SPON2: variants seen among roughly 807,000 people sequenced by gnomAD.
The protein encoded by SPON2 is spondin-2.
A neutral mutation model predicts 29.9 loss-of-function variants in SPON2; 32 were observed. The ratio of observed to expected loss-of-function variants is 1.07; its 90% CI spans 0.81 to 1.44. The LOEUF is 1.44. Among genes scored for constraint, SPON2 ranks in the 40% most tolerant of loss-of-function variants. The pLI is 0.00. For missense variants in SPON2, 541 were observed against 455.5 expected, an observed-to-expected ratio of 1.19 and a Z score of -1.71; for synonymous variants, 248 against 209.1, an observed-to-expected ratio of 1.19 and a Z score of -1.61.
In SPON2 at chr4:1,167,625, G is replaced by A. The variant is rs535829815; in HGVS notation, c.843C>T (p.Ser281=). ...CGCACAGTCCCCAGGACGACCACAG[G>A]GAGACCTCGCAGTCCAGCGGCGTTT... ...VPETPLDCEV[S]LWSSWGLCGG... Residue 281 remains serine (S), a synonymous_variant, in exon 6 of 6, where the codon TCC becomes TCT. Coordinates refer to ENST00000290902, the MANE Select transcript of SPON2 (RefSeq NM_012445.4). 88 of 1,611,674 alleles carry A rather than the reference G, an allele frequency of 5.5e-5. No homozygotes were observed. In the Admixed American group the frequency reaches 1.4e-3, roughly 25 times the overall value.
At chr4:1,197,453 T>C (rs887396265), upstream of SPON2, among the ~76,000 whole-genome samples, 2 of 151,970 alleles carry the variant, frequency 1.3e-5, no homozygotes, top group Non-Finnish European at 2.9e-5. Flanking sequence ...GAACGTGCAC[T>C]CTCTGAAAAG....
At position 1,201,340 on chromosome 4, in the gene SPON2, C is replaced by A. The variant is rs1728200260; in HGVS notation, c.-234+6540G>T. 14 of 344,120 alleles carry A rather than the reference C, an allele frequency of 4.1e-5. 1 individual carries two copies. Among genetic ancestry groups the A allele is most frequent in the South Asian group, 2.9e-4 (13 of 44,754 alleles). 21.3% of individuals were successfully genotyped at this position (344,120 alleles called of 1,614,324 possible). On this transcript the variant is annotated intron_variant, in intron 1 of 3. Coordinates refer to the SPON2 transcript ENST00000509233. Reference sequence around the variant, plus strand: ...GCACTTCCAAGCCCCTTGCTCGCTTCCCTGAAGAGGCTGTGGGTTTCTCCA... The same window carrying A: ...GCACTTCCAAGCCCCTTGCTCGCTTACCTGAAGAGGCTGTGGGTTTCTCCA...
chr4:1,173,876 G>GT (rs1170313258), upstream of SPON2, among the ~76,000 whole-genome samples: 1 of 152,220 alleles, frequency 6.6e-6, no homozygotes, highest in Non-Finnish European at 1.5e-5. Flanking sequence ...CTTCTCAAAT[G>GT]TTTTTATCTG....
chr4:1,194,695 C>T (rs1324366914), intron 1 of SPON2, among the ~76,000 whole-genome samples: 1 of 152,154 alleles, frequency 6.6e-6, no homozygotes, highest in Admixed American at 6.5e-5. Flanking sequence ...CCCTCCCCAG[C>T]CTCGCTGGTG....
chr4:1,187,266 C>T (rs567294466), intron 1 of SPON2, among the ~76,000 whole-genome samples: 1 of 152,258 alleles, frequency 6.6e-6, no homozygotes, highest in African/African-American at 2.4e-5. Context: ...ATAAGCCAGT[C>T]ACAAAACACA....
intron 5 of SPON2, chr4:1,169,928 G>A (rs1209242988): frequency 5.9e-6 from 1 of 170,188 alleles, no homozygotes; most frequent in African/African-American, 2.4e-5. Context: ...GCCTGGAAGA[G>A]CTAGGAGAAT....
At chr4:1,194,679 G>T (rs757204793) in intron 1 of SPON2, among the ~76,000 whole-genome samples, 1 of 152,144 alleles carries the variant, frequency 6.6e-6, no homozygotes. Context: ...CCCCGCTGCC[G>T]GGACACCCTC....
chr4:1,194,269 G>T (rs1407228578), intron 1 of SPON2, among the ~76,000 whole-genome samples: 1 of 152,182 alleles, frequency 6.6e-6, no homozygotes, highest in Non-Finnish European at 1.5e-5. Flanking sequence ...CCATGTCATT[G>T]GGAGGTGGCC....
At position 1,167,779 on chromosome 4, in the gene SPON2, T is replaced by TTG; in HGVS notation, c.812-125_812-124dup. On this transcript the variant is annotated intron_variant, in intron 5 of 5. Coordinates refer to ENST00000290902, the MANE Select transcript of SPON2 (RefSeq NM_012445.4). ...GGCCACGCCCACCCTTCGGGGGCAC[T>TTG]TGCGTTTCTCCGCACAGTCGCAGAG... The TTG allele has an allele frequency of 4.6e-6, 5 of 1,080,036 alleles. No individual in the cohort carries two copies. The South Asian group carries it at 8.6e-5, about 18-fold the overall frequency. 66.9% of individuals were successfully genotyped at this position (1,080,036 alleles called of 1,614,324 possible).
intron 1 of SPON2, among the ~76,000 whole-genome samples, chr4:1,186,081 A>G (rs1024159809): frequency 3.0e-5 from 4 of 134,774 alleles, no homozygotes; most frequent in Non-Finnish European, 6.8e-5. Flanking sequence ...CATCTCTACT[A>G]AAAATACAAA....
At chr4:1,186,696 A>G (rs754289651) in intron 1 of SPON2, among the ~76,000 whole-genome samples, 1 of 152,224 alleles carries the variant, frequency 6.6e-6, no homozygotes, top group Non-Finnish European at 1.5e-5. Context: ...CAAAAAACTC[A>G]ATTTAAAAAT....
intron 5 of SPON2, among the ~76,000 whole-genome samples, chr4:1,169,531 A>G (rs1376140000): frequency 6.6e-6 from 1 of 152,152 alleles, no homozygotes; most frequent in Non-Finnish European, 1.5e-5. Context: ...GACGGCTGAC[A>G]GTAAGCTTGT....
upstream of SPON2, chr4:1,196,788 G>T (rs1437992247): frequency 1.3e-5 from 2 of 152,302 alleles, no homozygotes; most frequent in East Asian, 1.9e-4. Context: ...CAGCCCAGAA[G>T]TGTCACCGGT....
At chr4:1,183,383 C>T (rs1373707265) in intron 1 of SPON2, among the ~76,000 whole-genome samples, 1 of 152,066 alleles carries the variant, frequency 6.6e-6, no homozygotes, top group Non-Finnish European at 1.5e-5. Flanking sequence ...AGACACTAGA[C>T]CATAACTTGA....
intron 1 of SPON2, among the ~76,000 whole-genome samples, chr4:1,207,342 G>A (rs930694211): frequency 9.9e-5 from 15 of 152,120 alleles, no homozygotes; most frequent in African/African-American, 3.6e-4. Context: ...GGCTGGCCCC[G>A]GCGTCCCCAC....
At chr4:1,177,551 C>T (rs547342229), upstream of SPON2, among the ~76,000 whole-genome samples, 1 of 152,206 alleles carries the variant, frequency 6.6e-6, no homozygotes, top group African/African-American at 2.4e-5. Flanking sequence ...GAATGCCTGG[C>T]GAGCCTCCCC....
In SPON2 at chr4:1,171,246, G is replaced by A. The variant is rs777757864; in HGVS notation, c.444+17C>T. 5 of 1,434,654 alleles carry A rather than the reference G, an allele frequency of 3.5e-6. No individual in the cohort carries two copies. The highest frequency in any genetic ancestry group is 2.9e-5 in the East Asian group (1 of 35,084). 88.9% of individuals were successfully genotyped at this position (1,434,654 alleles called of 1,614,324 possible). ...CCCGGCCCCCCGGACCCCGCCCCCG[G>A]CCGGCCCCGCGCTCACCAGCGAGTG... On this transcript the variant is annotated intron_variant, in intron 3 of 5. Transcript: ENST00000290902.
intron 2 of SPON2, 108 bp from the exon 3 acceptor site, chr4:1,171,594 T>C: frequency 1.7e-6 from 2 of 1,187,466 alleles, no homozygotes. Flanking sequence ...CAGGGAACCA[T>C]GGCCCCCAGT....
At chr4:1,196,677 G>A (rs1560211611), upstream of SPON2, 1 of 152,290 alleles carries the variant, frequency 6.6e-6, no homozygotes, top group Non-Finnish European at 1.5e-5. Context: ...AGCAGAGAGA[G>A]CACGAGGCCT....
Sources: allele counts gnomAD v4.1 joint callset (sites outside exome capture counted in the v4.1 genomes callset), GRCh38; gene constraint gnomAD v4.1.1; transcripts MANE v1.5; gene names NCBI Gene and HGNC (gene_info 2026-07-23, HGNC 2026-07-21).